TSTD2: variants seen among roughly 807,000 people sequenced by gnomAD.
The protein encoded by TSTD2 is thiosulfate sulfurtransferase/rhodanese-like domain-containing protein 2.
Under a neutral mutation model 47.9 loss-of-function variants are expected in TSTD2, and 37 were observed. The observed-to-expected ratio is 0.77, with a 90% CI of 0.59 to 1.02. The LOEUF (loss-of-function observed/expected upper bound fraction) is 1.02, where lower values mean the gene tolerates loss of function less well. Among genes scored for constraint, TSTD2 ranks in the 50% least tolerant of loss-of-function variants. The probability of loss-of-function intolerance (pLI) is 0.00; values close to 1 mark genes in which losing one functional copy is unlikely to be tolerated. For missense variants in TSTD2, 586 were observed against 616.0 expected (o/e 0.95, Z 0.52); for synonymous variants, 201 against 215.9 (o/e 0.93, Z 0.61).
At chr9:97,610,645 G>T (rs1312017820) in intron 5 of TSTD2, among the ~76,000 whole-genome samples, 194 bp from the exon 6 acceptor site, 1 of 152,218 alleles carries the variant, frequency 6.6e-6, no homozygotes, top group Non-Finnish European at 1.5e-5. Flanking sequence ...CCATGTGCAG[G>T]AATGTTAAGC....
At chr9:97,609,411 T>A (rs914508539) in intron 6 of TSTD2, among the ~76,000 whole-genome samples, 2 of 152,036 alleles carry the variant, frequency 1.3e-5, no homozygotes, top group Non-Finnish European at 2.9e-5. Flanking sequence ...GGTCAAATGA[T>A]CCAGTTCCTT....
chr9:97,632,381 C>CT (rs60119431), intron 1 of TSTD2, among the ~76,000 whole-genome samples: 154 of 147,578 alleles, frequency 1.0e-3, no homozygotes, highest in Middle Eastern at 6.9e-3. Context: ...TCGTAGGAGA[C>CT]TTTTTTTTTT....
intron 3 of TSTD2, among the ~76,000 whole-genome samples, chr9:97,618,642 TG>T (rs1279496535): frequency 1.3e-5 from 2 of 152,230 alleles, no homozygotes; most frequent in Non-Finnish European, 1.5e-5. Flanking sequence ...AACAACATTT[TG>T]ACTGAGTGCT....
chr9:97,605,741 C>A, intron 7 of TSTD2, 100 bp from the exon 8 acceptor site: 1 of 1,461,584 alleles, frequency 6.8e-7, no homozygotes, highest in Non-Finnish European at 9.3e-7. Flanking sequence ...AGCAAAGAAG[C>A]CCCTGCCAGT....
intron 9 of TSTD2, among the ~76,000 whole-genome samples, chr9:97,603,311 A>C (rs914247740): frequency 1.3e-5 from 2 of 151,948 alleles, no homozygotes; most frequent in African/African-American, 2.4e-5. Context: ...TTCCCTGATG[A>C]CCTCCTGTTA....
chr9:97,623,012 G>T (rs914635411), intron 3 of TSTD2, among the ~76,000 whole-genome samples: 1 of 152,188 alleles, frequency 6.6e-6, no homozygotes, highest in Non-Finnish European at 1.5e-5. Flanking sequence ...AGACAGAATT[G>T]GTTTTTAAAT....
intron 4 of TSTD2, among the ~76,000 whole-genome samples, chr9:97,616,992 A>T (rs1287466046): frequency 6.6e-6 from 1 of 152,260 alleles, no homozygotes. Context: ...CTGAGGGTCT[A>T]CTACATGCTA....
chr9:97,620,720 G>A (rs1826621199), intron 3 of TSTD2, among the ~76,000 whole-genome samples: 2 of 152,328 alleles, frequency 1.3e-5, no homozygotes, highest in South Asian at 4.1e-4. Flanking sequence ...CAAAGAGACT[G>A]GTGTGGCATT....
In TSTD2 at chr9:97,627,382, T is replaced by C. The variant is rs1373831769; in HGVS notation, c.165+16A>G. On this transcript the variant is annotated intron_variant, in intron 2 of 9. Transcript: ENST00000341170. ...ACCACACATACATGATCATGAAACA[T>C]TCATAAGAATTCTACCTTTTTCTTT... 2.5e-6 allele frequency: 4 copies of C among 1,581,482 alleles called. No individual in the cohort carries two copies. The highest frequency in any genetic ancestry group is 3.4e-6 in the Non-Finnish European group (4 of 1,160,486).
intron 4 of TSTD2, 78 bp from the exon 5 acceptor site, chr9:97,611,777 T>C: frequency 6.9e-7 from 1 of 1,442,122 alleles, no homozygotes; most frequent in South Asian, 1.3e-5. Context: ...AATAGGCTCA[T>C]GTGTGTCAAT....
At chr9:97,625,603 T>C in intron 3 of TSTD2, 78 bp downstream of exon 3, 1 of 1,402,276 alleles carries the variant, frequency 7.1e-7, no homozygotes, top group Non-Finnish European at 9.6e-7. Flanking sequence ...TTAGCCATTT[T>C]AATGGGTGAA....
intron 4 of TSTD2, among the ~76,000 whole-genome samples, chr9:97,612,178 C>A (rs1040186828): frequency 2.0e-5 from 3 of 152,224 alleles, no homozygotes; most frequent in Non-Finnish European, 4.4e-5. Flanking sequence ...CATGTCCCTG[C>A]AAAAGACATG....
chr9:97,607,194 G>C (rs1000862190), intron 6 of TSTD2, among the ~76,000 whole-genome samples: 6 of 152,094 alleles, frequency 3.9e-5, no homozygotes, highest in African/African-American at 1.4e-4. Flanking sequence ...GGGACTAATA[G>C]GAGAGAACCT....
intron 2 of TSTD2, among the ~76,000 whole-genome samples, chr9:97,626,268 T>C (rs1271895376): frequency 6.6e-6 from 1 of 152,178 alleles, no homozygotes; most frequent in East Asian, 1.9e-4. Context: ...TAAGTCACAC[T>C]GGAAAATACA....
Position 97,601,371 on chromosome 9 carries a change from G to C in TSTD2, c.*1098C>G. 9.2e-7 allele frequency: 1 copy of C among 1,087,286 alleles called. No individual in the cohort carries two copies. Among genetic ancestry groups the C allele is most frequent in the Non-Finnish European group, 1.1e-6 (1 of 886,664 alleles). The allele number at this position is 1,087,286 out of a possible 1,614,324, so 67.4% of individuals were successfully genotyped here. On this transcript the variant is annotated 3_prime_UTR_variant, in exon 10 of 10. Transcript: ENST00000341170. ...GATGACCTCAGTAAGAATGTGTCAT[G>C]TATTCCAGGTGCTGATCTAAAAACT...
At chr9:97,615,247 A>T (rs1826525808) in intron 4 of TSTD2, among the ~76,000 whole-genome samples, 1 of 152,240 alleles carries the variant, frequency 6.6e-6, no homozygotes, top group Admixed American at 6.5e-5. Context: ...AGAAACTGAG[A>T]AGAACAATCA....
chr9:97,624,741 GA>G (rs1221611664), intron 3 of TSTD2, among the ~76,000 whole-genome samples: 13 of 136,856 alleles, frequency 9.5e-5, no homozygotes, highest in African/African-American at 1.3e-4. Flanking sequence ...AAAGACTCCA[GA>G]AAAAAAAAAA....
chr9:97,613,598 G>C (rs936080335), intron 4 of TSTD2, among the ~76,000 whole-genome samples: 1 of 152,030 alleles, frequency 6.6e-6, no homozygotes, highest in Non-Finnish European at 1.5e-5. Context: ...TTTAAAGATG[G>C]ATCATCTTTA....
chr9:97,603,281 A>C (rs2131303869), intron 9 of TSTD2: 1 of 158,804 alleles, frequency 6.3e-6, no homozygotes, highest in Non-Finnish European at 1.5e-5. Context: ...TAAAACTCAC[A>C]CCATCTTCTT....
Sources: allele counts gnomAD v4.1 joint callset (sites outside exome capture counted in the v4.1 genomes callset), GRCh38; gene constraint gnomAD v4.1.1; transcripts MANE v1.5; gene names NCBI Gene and HGNC (gene_info 2026-07-23, HGNC 2026-07-21).